Variants in MCTP1 observed in about 807,000 individuals in gnomAD.
MCTP1 encodes the protein multiple C2 and transmembrane domain-containing protein 1.
MCTP1 carries 69 observed loss-of-function variants against 120.6 expected under a neutral mutation model. The observed-to-expected ratio is 0.57, with a 90% CI of 0.47 to 0.70. The LOEUF is 0.70. MCTP1 is among the 30% of genes least tolerant of loss of function. The probability of loss-of-function intolerance (pLI) is 0.00; values close to 1 mark genes in which losing one functional copy is unlikely to be tolerated. For missense variants in MCTP1, 1,203 were observed against 1,248.8 expected, an observed-to-expected ratio of 0.96 and a Z score of 0.55; for synonymous variants, 529 against 493.1, an observed-to-expected ratio of 1.07 and a Z score of -0.96.
At chr5:95,081,796 C>G (rs1161009268) in intron 1 of MCTP1, 1 of 1,081,438 alleles carries the variant, frequency 9.2e-7, no homozygotes, top group Non-Finnish European at 1.1e-6. Flanking sequence ...TTCTAAAATA[C>G]TCACATTAAA....
chr5:94,849,704 C>A (rs151218149), intron 17 of MCTP1, among the ~76,000 whole-genome samples: 1 of 152,178 alleles, frequency 6.6e-6, no homozygotes, highest in Non-Finnish European at 1.5e-5. Context: ...TGAAATACAT[C>A]AAAAGTTATA....
chr5:94,960,648 C>G (rs1317377363), intron 2 of MCTP1, among the ~76,000 whole-genome samples: 1 of 151,912 alleles, frequency 6.6e-6, no homozygotes, highest in African/African-American at 2.4e-5. Context: ...TTGACGTGGC[C>G]AAGAAACATA....
chr5:95,041,066 T>A (rs950887351), intron 1 of MCTP1, among the ~76,000 whole-genome samples: 8 of 152,108 alleles, frequency 5.3e-5, no homozygotes, highest in Middle Eastern at 3.4e-3. Flanking sequence ...ATAATTTAAG[T>A]CAGTTCGAGT....
At chr5:95,072,287 A>T (rs957969379) in intron 1 of MCTP1, among the ~76,000 whole-genome samples, 3 of 152,168 alleles carry the variant, frequency 2.0e-5, no homozygotes, top group South Asian at 4.1e-4. Flanking sequence ...TACCCTCTTA[A>T]CCCTAATTGG....
chr5:95,172,521 A>T (rs186837666), intron 1 of MCTP1, among the ~76,000 whole-genome samples: 3 of 152,166 alleles, frequency 2.0e-5, no homozygotes, highest in Non-Finnish European at 4.4e-5. Context: ...TAACCATTAG[A>T]GTGCTAAAAA....
At chr5:94,878,969 G>T (rs72775375) in intron 12 of MCTP1, among the ~76,000 whole-genome samples, 11,678 of 152,000 alleles carry the variant, frequency 0.077, 466 homozygotes, top group Non-Finnish European at 0.09. Flanking sequence ...GAACTGAAGG[G>T]GGTAAAGGAG....
At position 94,978,327 on chromosome 5, in the gene MCTP1, A is replaced by T. The variant is rs143992887; in HGVS notation, c.839-24966T>A. Among the ~76,000 whole-genome samples the T allele has an allele frequency of 2.2e-3, 342 of 152,286 alleles. 1 individual carries two copies. Among genetic ancestry groups the T allele is most frequent in the African/African-American group, 7.5e-3 (310 of 41,564 alleles). ...AAAAAAATAAAAATAGAGCTACCAT[A>T]TGATTTAGCAATCTGACTTTTTAGT... On this transcript the variant is annotated intron_variant, in intron 2 of 22. Coordinates refer to ENST00000515393, the MANE Select transcript of MCTP1 (RefSeq NM_024717.7).
intron 18 of MCTP1, chr5:94,793,458 G>C (rs941494446): frequency 2.0e-5 from 3 of 152,170 alleles, no homozygotes; most frequent in African/African-American, 7.2e-5. Flanking sequence ...GCACGAAGAA[G>C]AAAAGAGTGA....
intron 1 of MCTP1, among the ~76,000 whole-genome samples, chr5:95,071,901 G>T (rs899105446): frequency 6.6e-6 from 1 of 152,136 alleles, no homozygotes; most frequent in Non-Finnish European, 1.5e-5. Flanking sequence ...TTACTTCTCT[G>T]CTAGGCTTCC....
At chr5:95,273,581 A>G (rs184989002) in intron 1 of MCTP1, among the ~76,000 whole-genome samples, 114 of 152,058 alleles carry the variant, frequency 7.5e-4, no homozygotes, top group African/African-American at 2.4e-3. Context: ...TGTTTTATTT[A>G]CCCTTTCTTT....
At chr5:95,127,402 G>C (rs1438870469) in intron 1 of MCTP1, among the ~76,000 whole-genome samples, 2 of 152,196 alleles carry the variant, frequency 1.3e-5, no homozygotes, top group Admixed American at 6.5e-5. Context: ...ACCTGCAACA[G>C]TGCCAGGGCA....
At chr5:94,750,102 C>CA (rs1369110536) in intron 19 of MCTP1, among the ~76,000 whole-genome samples, 1 of 152,168 alleles carries the variant, frequency 6.6e-6, no homozygotes, top group East Asian at 1.9e-4. Flanking sequence ...TAGCATATTC[C>CA]AGTCCCTTGT....
intron 1 of MCTP1, among the ~76,000 whole-genome samples, chr5:95,172,225 ATTGCTGAACAGCAAATG>A (rs1208971055): frequency 2.0e-5 from 3 of 152,200 alleles, no homozygotes; most frequent in African/African-American, 7.2e-5. Flanking sequence ...AACAGCGCAT[ATTGCTGAACAGCAAATG>A]TTGCTGCCTG....
intron 1 of MCTP1, among the ~76,000 whole-genome samples, chr5:95,161,445 G>A (rs192098859): frequency 5.6e-4 from 85 of 152,216 alleles, no homozygotes; most frequent in African/African-American, 2.0e-3. Context: ...TGGGGGAAGG[G>A]GGTCAAGAGG....
chr5:94,893,842 C>A (rs1267723014), intron 11 of MCTP1, among the ~76,000 whole-genome samples: 1 of 152,194 alleles, frequency 6.6e-6, no homozygotes, highest in Non-Finnish European at 1.5e-5. Flanking sequence ...CCTGGCGGCA[C>A]TGTACAATAC....
intron 1 of MCTP1, among the ~76,000 whole-genome samples, chr5:95,027,018 A>G (rs1581910284): frequency 6.6e-6 from 1 of 152,236 alleles, no homozygotes; most frequent in African/African-American, 2.4e-5. Flanking sequence ...TGAAATATCC[A>G]TTAAGTGGAA....
At chr5:95,091,553 C>A (rs1420821675) in intron 1 of MCTP1, among the ~76,000 whole-genome samples, 2 of 152,128 alleles carry the variant, frequency 1.3e-5, no homozygotes, top group Non-Finnish European at 2.9e-5. Flanking sequence ...CTCTTAAAGC[C>A]TTTAGATGCC....
intron 2 of MCTP1, among the ~76,000 whole-genome samples, chr5:94,959,536 A>T (rs1581580346): frequency 6.6e-6 from 1 of 152,240 alleles, no homozygotes; most frequent in East Asian, 1.9e-4. Context: ...GTCTCAGCCC[A>T]AAACTCCTTA....
intron 1 of MCTP1, among the ~76,000 whole-genome samples, chr5:95,085,744 G>A (rs1206564613): frequency 6.6e-6 from 1 of 152,032 alleles, no homozygotes; most frequent in Non-Finnish European, 1.5e-5. Context: ...CCAAACTCTT[G>A]TAAACGATCT....
Sources: allele counts gnomAD v4.1 joint callset (sites outside exome capture counted in the v4.1 genomes callset), GRCh38; gene constraint gnomAD v4.1.1; transcripts MANE v1.5; gene names NCBI Gene and HGNC (gene_info 2026-07-23, HGNC 2026-07-21).